The following ST8SIA1 variants were observed in gnomAD, a reference collection of about 807,000 sequenced individuals.
ST8SIA1 encodes alpha-N-acetylneuraminide alpha-2,8-sialyltransferase.
In ST8SIA1, 16 loss-of-function variants were observed where a neutral mutation model predicts 35.9. The ratio of observed to expected loss-of-function variants is 0.45; its 90% CI spans 0.30 to 0.68. The LOEUF (loss-of-function observed/expected upper bound fraction) is 0.68, where lower values mean the gene tolerates loss of function less well. ST8SIA1 is among the 30% of genes least tolerant of loss of function. The pLI is 0.09. For synonymous variants in ST8SIA1, 170 were observed against 169.6 expected, an observed-to-expected ratio of 1.00 and a Z score of -0.02; for missense variants, 383 against 453.6, an observed-to-expected ratio of 0.84 and a Z score of 1.41.
chr12:22,227,598 CA>C (rs1053904921), intron 4 of ST8SIA1, among the ~76,000 whole-genome samples: 26 of 151,674 alleles, frequency 1.7e-4, no homozygotes, highest in East Asian at 5.8e-4. Flanking sequence ...CAAAAACACA[CA>C]AAAAAAATGT....
At chr12:22,277,614 G>T (rs1027879930) in intron 2 of ST8SIA1, among the ~76,000 whole-genome samples, 1 of 152,050 alleles carries the variant, frequency 6.6e-6, no homozygotes, top group Non-Finnish European at 1.5e-5. Flanking sequence ...TGATCTGCCT[G>T]CCTCAGTCTC....
At chr12:22,286,597 G>A (rs1866104134) in intron 2 of ST8SIA1, 9 of 481,910 alleles carry the variant, frequency 1.9e-5, no homozygotes, top group Admixed American at 9.2e-5. Flanking sequence ...TTATTTCAAT[G>A]CCCAGAAAAC....
At chr12:22,306,337 G>C (rs568861737) in intron 1 of ST8SIA1, among the ~76,000 whole-genome samples, 1 of 151,922 alleles carries the variant, frequency 6.6e-6, no homozygotes. Flanking sequence ...ACATATTCAG[G>C]GTTCACACCT....
At chr12:22,314,170 CTG>C (rs1281152442) in intron 1 of ST8SIA1, among the ~76,000 whole-genome samples, 6 of 152,126 alleles carry the variant, frequency 3.9e-5, no homozygotes, top group Admixed American at 3.3e-4. Context: ...GACAGAGAAA[CTG>C]ACAACATGGC....
intron 1 of ST8SIA1, among the ~76,000 whole-genome samples, chr12:22,293,681 C>A (rs76911514): frequency 0.012 from 1,891 of 152,256 alleles, 42 homozygotes; most frequent in African/African-American, 0.043. Flanking sequence ...ATTTCATTCT[C>A]CTTCTTAATA....
At chr12:22,264,445 TAAC>T (rs1865824400) in intron 2 of ST8SIA1, among the ~76,000 whole-genome samples, 1 of 152,116 alleles carries the variant, frequency 6.6e-6, no homozygotes, top group African/African-American at 2.4e-5. Context: ...AACAAAATAA[TAAC>T]AAGATGCAGC....
intron 1 of ST8SIA1, among the ~76,000 whole-genome samples, chr12:22,294,931 A>C (rs1355736609): frequency 2.0e-5 from 3 of 152,158 alleles, no homozygotes; most frequent in African/African-American, 7.2e-5. Context: ...TCTTTTGAGA[A>C]CCACTTATTT....
At chr12:22,309,108 C>T (rs1866418489) in intron 1 of ST8SIA1, among the ~76,000 whole-genome samples, 1 of 152,062 alleles carries the variant, frequency 6.6e-6, no homozygotes, top group Non-Finnish European at 1.5e-5. Context: ...ATCCTAAGCC[C>T]CCCAAGCAAC....
chr12:22,203,812 A>C (rs2284848), intron 4 of ST8SIA1, among the ~76,000 whole-genome samples: 101,375 of 151,896 alleles, frequency 0.67, 34,211 homozygotes, highest in South Asian at 0.85. Flanking sequence ...CCAATCATAT[A>C]GACACACTGT....
Position 22,198,877 on chromosome 12 carries a change from T to C in ST8SIA1, c.*2675A>G, listed in dbSNP as rs1017788864. 2 of 152,124 alleles carry C rather than the reference T, an allele frequency of 1.3e-5. No homozygotes were observed. Among genetic ancestry groups the C allele is most frequent in the Non-Finnish European group, 2.9e-5 (2 of 68,030 alleles). The allele number at this position is 152,124 out of a possible 1,614,324, so 9.4% of individuals were successfully genotyped here. On this transcript the variant is annotated 3_prime_UTR_variant, in exon 5 of 5. Coordinates refer to ENST00000396037, the MANE Select transcript of ST8SIA1 (RefSeq NM_003034.4). Reference sequence around the variant, plus strand: ...GGATCCCTAACCTCTACTAAGTACATGCTATTAGCACCCTTGAGTCATGAA... The same window carrying C: ...GGATCCCTAACCTCTACTAAGTACACGCTATTAGCACCCTTGAGTCATGAA...
At chr12:22,325,179 T>C in intron 1 of ST8SIA1, 2 of 389,464 alleles carry the variant, frequency 5.1e-6, no homozygotes, top group South Asian at 7.5e-5. Flanking sequence ...CTATAAATTG[T>C]TTAAATGAAC....
At chr12:22,245,903 G>C (rs1488711883) in intron 4 of ST8SIA1, among the ~76,000 whole-genome samples, 4 of 152,242 alleles carry the variant, frequency 2.6e-5, no homozygotes, top group African/African-American at 9.6e-5. Flanking sequence ...AGAGCTTCCA[G>C]ATAAGAAGGT....
At chr12:22,303,322 T>C (rs1310663207) in intron 1 of ST8SIA1, among the ~76,000 whole-genome samples, 1 of 148,838 alleles carries the variant, frequency 6.7e-6, no homozygotes, top group African/African-American at 2.4e-5. Context: ...TACAACTCCT[T>C]TTTTTTTTTG....
In ST8SIA1 at chr12:22,255,356, C is replaced by T. The variant is rs1468430662; in HGVS notation, c.415G>A (p.Ala139Thr). 3 of 1,614,148 alleles carry T rather than the reference C, an allele frequency of 1.9e-6. No homozygotes were observed. Among genetic ancestry groups the T allele is most frequent in the East Asian group, 2.2e-5 (1 of 44,876 alleles). The change falls in exon 3 of 5, where the codon GCG (alanine) becomes ACG (threonine). Residue 139 changes from alanine (A) to threonine (T), a missense_variant. Transcript: ENST00000396037. Reference protein sequence around the residue: ...TPFQLPLKKCAVVGNGGILKK... With the variant: ...TPFQLPLKKCTVVGNGGILKK... ...AGAATCCCACCATTTCCCACCACCG[C>T]GCATTTCTTCAATGGCAGCTGGAAT...
At chr12:22,235,609 T>C (rs1558793) in intron 4 of ST8SIA1, among the ~76,000 whole-genome samples, 50,988 of 152,022 alleles carry the variant, frequency 0.34, 9,354 homozygotes, top group East Asian at 0.55. Context: ...ATGGAATTGG[T>C]AAGATAATTA....
chr12:22,231,618 G>A (rs1865421980), intron 4 of ST8SIA1, among the ~76,000 whole-genome samples: 2 of 151,682 alleles, frequency 1.3e-5, no homozygotes, highest in Non-Finnish European at 1.5e-5. Context: ...CTGTCACCCA[G>A]GCTAGAGTGC....
At chr12:22,302,513 C>A (rs541606048) in intron 1 of ST8SIA1, among the ~76,000 whole-genome samples, 5 of 152,248 alleles carry the variant, frequency 3.3e-5, no homozygotes, top group South Asian at 4.1e-4. Context: ...GACTTCTCAA[C>A]CTGCTAAAAA....
intron 2 of ST8SIA1, among the ~76,000 whole-genome samples, chr12:22,259,731 G>T (rs934747803): frequency 6.6e-6 from 1 of 152,140 alleles, no homozygotes; most frequent in Non-Finnish European, 1.5e-5. Context: ...CTCCCAAAGT[G>T]CTGGGATTAC....
intron 4 of ST8SIA1, among the ~76,000 whole-genome samples, chr12:22,235,839 A>T (rs1297741028): frequency 1.3e-5 from 2 of 152,006 alleles, no homozygotes; most frequent in Non-Finnish European, 2.9e-5. Context: ...CAGTGCCATT[A>T]CCCAGGAGAA....
Sources: allele counts gnomAD v4.1 joint callset (sites outside exome capture counted in the v4.1 genomes callset), GRCh38; gene constraint gnomAD v4.1.1; transcripts MANE v1.5; gene names NCBI Gene and HGNC (gene_info 2026-07-23, HGNC 2026-07-21).